The following FGFR4 variants were observed in gnomAD, a reference collection of about 807,000 sequenced individuals.
The protein encoded by FGFR4 is fibroblast growth factor receptor 4.
FGFR4 carries 63 observed loss-of-function variants against 89.9 expected under a neutral mutation model. The observed-to-expected ratio is 0.70, with a 90% CI of 0.57 to 0.86. The LOEUF is 0.86. FGFR4 is among the 40% of genes least tolerant of loss of function. The probability of loss-of-function intolerance (pLI) is 0.00; values close to 1 mark genes in which losing one functional copy is unlikely to be tolerated. For synonymous variants in FGFR4, 486 were observed against 479.4 expected (o/e 1.01, Z -0.18); for missense variants, 928 against 1,106.7 (o/e 0.84, Z 2.29).
In FGFR4 at chr5:177,098,070, G is replaced by A. The variant is rs1076890; in HGVS notation, c.*394G>A. 0.067 allele frequency: 17,240 copies of A among 256,014 alleles called. 765 individuals are homozygous for A. Among genetic ancestry groups the A allele is most frequent in the African/African-American group, 0.12 (5,417 of 45,320 alleles). The allele number at this position is 256,014 out of a possible 1,614,324, so 15.9% of individuals were successfully genotyped here. On this transcript the variant is annotated 3_prime_UTR_variant, in exon 18 of 18. Transcript: ENST00000292408. The surrounding 1 kb of genome is among the most constrained non-coding windows in gnomAD (Gnocchi z 4.5). ...TTGGCCCCTGAGCCCAGAGAAGCTG[G>A]AAGCCTGCCGAAAACAGGAGCAAAT... is the stretch of plus-strand genomic sequence containing the variant.
chr5:177,096,367 G>C lies in FGFR4; in HGVS notation c.2015+10G>C, dbSNP rs1784562117. The C allele has an allele frequency of 6.2e-7, 1 of 1,613,854 alleles. No individual in the cohort carries two copies. Among genetic ancestry groups the C allele is most frequent in the Non-Finnish European group, 8.5e-7 (1 of 1,179,924 alleles). On this transcript the variant is annotated intron_variant, in intron 15 of 17. Coordinates refer to ENST00000292408, the MANE Select transcript of FGFR4 (RefSeq NM_213647.3). ...CACACCAGAGTGACGTGTGAGTCCT[G>C]CCGGCGGTCACTGTCCTACCCCACA... is the stretch of plus-strand genomic sequence containing the variant.
chr5:177,087,519 A>T lies in FGFR4; in HGVS notation c.-54+442A>T. ...CGCGAGTGCGGGAGGCTGAAGGAGAACCCAGGACTGTCTGATGCCTAAGGC... is the reference window on the plus strand; with the variant it reads ...CGCGAGTGCGGGAGGCTGAAGGAGATCCCAGGACTGTCTGATGCCTAAGGC... On this transcript the variant is annotated intron_variant, in intron 1 of 17. Transcript: ENST00000292408. This position sits in a 1 kb window ranked among gnomAD's most constrained non-coding sequence, Gnocchi z 6.1. 1.1e-6 allele frequency: 1 copy of T among 951,310 alleles called. No homozygotes were observed. The allele number at this position is 951,310 out of a possible 1,614,324, so 58.9% of individuals were successfully genotyped here.
In FGFR4 at chr5:177,096,759, C is replaced by G; in HGVS notation, c.2153+18C>G. ...CCAGAGCTGTGAGGCCTCACCCTGC[C>G]CTCGACCCCACTTTCCAGTCCTCCT... On this transcript the variant is annotated intron_variant, in intron 16 of 17. Transcript: ENST00000292408. 3 of 1,560,828 alleles carry G rather than the reference C, an allele frequency of 1.9e-6. No individual in the cohort carries two copies. The highest frequency in any genetic ancestry group is 2.6e-6 in the Non-Finnish European group (3 of 1,153,242).
rs537482839 is a variant in FGFR4, at chr5:177,097,833, G to A, written c.*157G>A. The A allele has an allele frequency of 1.2e-4, 111 of 889,040 alleles. No individual in the cohort carries two copies. In the East Asian group the frequency reaches 1.6e-3, roughly 13 times the overall value. 55.1% of individuals were successfully genotyped at this position (889,040 alleles called of 1,614,324 possible). A position where few individuals can be genotyped will look rare whatever the true frequency, so the allele number is the denominator to read the frequency against. On this transcript the variant is annotated 3_prime_UTR_variant, in exon 18 of 18. Coordinates refer to ENST00000292408, the MANE Select transcript of FGFR4 (RefSeq NM_213647.3). ...CCGTGCCCTTGCCCTTGGAGCTGCC[G>A]TGCCTGTGTCCTGATGGCCCAAATG... is the stretch of plus-strand genomic sequence containing the variant.
In FGFR4 at chr5:177,090,453, C is replaced by A; in HGVS notation, c.155C>A (p.Pro52His). ...GAGCTGACAGTAGCCCTTGGGCAGC[C>A]TGTGCGTCTGTGCTGTGGGCGGGCT... The part of the protein sequence containing the change: ...EQELTVALGQ[P>H]VRLCCGRAER... Residue 52 changes from proline (P) to histidine (H), a missense_variant, in exon 3 of 18, where the codon CCT (proline) becomes CAT (histidine). Pro to His is a moderately conservative substitution (Grantham distance 77, BLOSUM62 -2). This residue lies in a region of FGFR4 where 741 missense variants were observed against 836.9 expected (regional missense o/e 0.89). Coordinates refer to ENST00000292408, the MANE Select transcript of FGFR4 (RefSeq NM_213647.3). The A allele has an allele frequency of 6.2e-7, 1 of 1,603,694 alleles. No homozygotes were observed. The highest frequency in any genetic ancestry group is 8.5e-7 in the Non-Finnish European group (1 of 1,176,886).
rs1270255483 is a variant in FGFR4 at position 177,093,270 on chromosome 5, G to A, written c.1190G>A (p.Gly397Asp). Residue 397 changes from glycine (G) to aspartate (D), a missense_variant, in exon 9 of 18, where the codon GGC becomes GAC. Gly to Asp is a moderately conservative substitution (Grantham distance 94). Transcript: ENST00000292408. This position sits in a 1 kb window ranked among gnomAD's most constrained non-coding sequence, Gnocchi z 5.8. Reference protein sequence around the residue: ...AGLYRGQALHGRHPRPPATVQ... With the variant: ...AGLYRGQALHDRHPRPPATVQ... ...CTGTATCGAGGGCAGGCGCTCCACG[G>A]CCGGCACCCCCGCCCGCCCGCCACT... 6.2e-7 allele frequency: 1 copy of A among 1,612,848 alleles called. No homozygotes were observed. Among genetic ancestry groups the A allele is most frequent in the Non-Finnish European group, 8.5e-7 (1 of 1,179,496 alleles).
intron 11 of FGFR4, chr5:177,094,843 A>T (rs1484884112): frequency 5.7e-6 from 1 of 175,126 alleles, no homozygotes; most frequent in Non-Finnish European, 1.2e-5. Flanking sequence ...CTTCTTCCCA[A>T]GCTCCCCGGC....
At chr5:177,096,876 TCC>T in intron 16 of FGFR4, 135 bp downstream of exon 16, 2 of 825,520 alleles carry the variant, frequency 2.4e-6, no homozygotes, top group Admixed American at 2.3e-5. Context: ...CTCTTCCTCT[TCC>T]TCCTCCTCCT....
intron 5 of FGFR4, 65 bp downstream of exon 5, chr5:177,091,169 C>T: frequency 6.8e-7 from 1 of 1,474,052 alleles, no homozygotes; most frequent in East Asian, 2.5e-5. Context: ...TCCCCTCATA[C>T]CTACAAGCAT....
Position 177,095,773 on chromosome 5 carries a change from T to C in FGFR4, c.1821+50T>C. On this transcript the variant is annotated intron_variant, in intron 13 of 17. Coordinates refer to ENST00000292408, the MANE Select transcript of FGFR4 (RefSeq NM_213647.3). This position sits in a 1 kb window ranked among gnomAD's most constrained non-coding sequence, Gnocchi z 5.7. ...CCTCTCAGTCTCTCCAGCTCCACTC[T>C]CAGGCCTGTGGCATTCAATGTCCCG... is the stretch of plus-strand genomic sequence containing the variant. 1 of 1,489,988 alleles carries C rather than the reference T, an allele frequency of 6.7e-7. No homozygotes were observed. Among genetic ancestry groups the C allele is most frequent in the African/African-American group, 1.4e-5 (1 of 71,694 alleles). The allele number at this position is 1,489,988 out of a possible 1,614,324, so 92.3% of individuals were successfully genotyped here.
Position 177,097,279 on chromosome 5 carries a change from C to G in FGFR4, c.2154-13C>G, listed in dbSNP as rs754956288. 7 of 1,582,558 alleles carry G rather than the reference C, an allele frequency of 4.4e-6. No homozygotes were observed. The highest frequency in any genetic ancestry group is 6.0e-6 in the Non-Finnish European group (7 of 1,164,252). On this transcript the variant is annotated splice_polypyrimidine_tract_variant and intron_variant, in intron 16 of 17. Coordinates refer to ENST00000292408, the MANE Select transcript of FGFR4 (RefSeq NM_213647.3). The stretch of plus-strand genomic sequence containing the variant: ...CTGAGGCTCCCTGTGACCCTCCGCC[C>G]CACCTCTCGCAGGTACGGGCTGATG...
intron 11 of FGFR4, among the ~76,000 whole-genome samples, chr5:177,094,231 C>A (rs1784469350): frequency 6.6e-6 from 1 of 152,138 alleles, no homozygotes; most frequent in East Asian, 1.9e-4. Flanking sequence ...TTCACCTCTG[C>A]TCCTGACCCT....
Position 177,093,107 on chromosome 5 carries a change from T to A in FGFR4, c.1058-31T>A, listed in dbSNP as rs1296658012. 2.5e-6 allele frequency: 4 copies of A among 1,613,682 alleles called. No individual in the cohort carries two copies. The highest frequency in any genetic ancestry group is 3.4e-6 in the Non-Finnish European group (4 of 1,179,892). The stretch of plus-strand genomic sequence containing the variant: ...GCCAGTCTCACCACTGACCAGTTTG[T>A]CTGTCTGTGTGTGTCCATGTGCGAG... On this transcript the variant is annotated intron_variant, in intron 8 of 17. Transcript: ENST00000292408. The surrounding 1 kb of genome is among the most constrained non-coding windows in gnomAD (Gnocchi z 5.8).
chr5:177,096,468 G>C, intron 15 of FGFR4, 111 bp downstream of exon 15: 1 of 1,533,468 alleles, frequency 6.5e-7, no homozygotes, highest in African/African-American at 1.4e-5. Flanking sequence ...ATTTGGTCTG[G>C]GACCCGAGTG....
chr5:177,092,924 CT>C, intron 8 of FGFR4, 140 bp downstream of exon 8: 1 of 1,413,866 alleles, frequency 7.1e-7, no homozygotes, highest in Non-Finnish European at 9.8e-7. Context: ...TGGGTTTGAG[CT>C]GTATGACAGC....
intron 5 of FGFR4, 39 bp from the exon 6 acceptor site, chr5:177,091,646 A>C: frequency 6.2e-7 from 1 of 1,609,970 alleles, no homozygotes; most frequent in Non-Finnish European, 8.5e-7. Context: ...CCCTTGGTGG[A>C]CATGGTCCGG....
intron 8 of FGFR4, 87 bp downstream of exon 8, chr5:177,092,871 G>C: frequency 6.2e-7 from 1 of 1,600,240 alleles, no homozygotes; most frequent in Non-Finnish European, 8.5e-7. Context: ...GTCAGTCTCT[G>C]TTGGCCTGTG....
chr5:177,096,142 G>A lies in FGFR4; in HGVS notation c.1907G>A (p.Gly636Asp). The change falls in exon 14 of 18, where the codon GGC becomes GAC. Residue 636 changes from glycine (G) to aspartate (D), a missense_variant. Physicochemically the swap from Gly to Asp is moderately conservative, Grantham distance 94. Around this residue, in one of 5 missense-constraint regions of FGFR4, gnomAD observed 20 missense variants for 17.3 expected, o/e 1.16. Transcript: ENST00000292408. ...MKIADFGLAR[G>D]VHHIDYYKKT... The stretch of plus-strand genomic sequence containing the variant: ...ATTGCTGACTTTGGGCTGGCCCGCG[G>A]CGTCCACCACATTGACTACTATAAG... 7 of 1,614,186 alleles carry A rather than the reference G, an allele frequency of 4.3e-6. No individual in the cohort carries two copies. The highest frequency in any genetic ancestry group is 1.3e-5 in the African/African-American group (1 of 75,052).
Position 177,095,069 on chromosome 5 carries a change from G to A in FGFR4, c.1520-261G>A. 1 of 472,474 alleles carries A rather than the reference G, an allele frequency of 2.1e-6. No homozygotes were observed. Among genetic ancestry groups the A allele is most frequent in the Non-Finnish European group, 3.9e-6 (1 of 255,630 alleles). 29.3% of individuals were successfully genotyped at this position (472,474 alleles called of 1,614,324 possible). A position where few individuals can be genotyped will look rare whatever the true frequency, so the allele number is the denominator to read the frequency against. ...GTGTCCTGGGCCTGCCCGCTGGAAG[G>A]CCTGCCTCTTAGATCCTTGATACAG... On this transcript the variant is annotated intron_variant, in intron 11 of 17. Coordinates refer to ENST00000292408, the MANE Select transcript of FGFR4 (RefSeq NM_213647.3). The surrounding 1 kb of genome is among the most constrained non-coding windows in gnomAD (Gnocchi z 5.7).
Sources: allele counts gnomAD v4.1 joint callset (sites outside exome capture counted in the v4.1 genomes callset), GRCh38; gene constraint gnomAD v4.1.1; regional missense constraint gnomAD v4.1.1; non-coding constraint Gnocchi (gnomAD v3.1); transcripts MANE v1.5; gene names NCBI Gene and HGNC (gene_info 2026-07-23, HGNC 2026-07-21).